PLCH1: variants seen among roughly 807,000 people sequenced by gnomAD.
PLCH1 encodes the protein phospholipase C eta 1.
In PLCH1, 60 loss-of-function variants were observed where a neutral mutation model predicts 126.7. The ratio of observed to expected loss-of-function variants is 0.47; its 90% confidence interval spans 0.38 to 0.59. The LOEUF is 0.59. Ranked by LOEUF, PLCH1 falls within the 20% of genes least tolerant of loss-of-function variation. The probability of loss-of-function intolerance (pLI) is 0.00; values close to 1 mark genes in which losing one functional copy is unlikely to be tolerated. For synonymous variants in PLCH1, 719 were observed against 734.9 expected (o/e 0.98, Z 0.35); for missense variants, 1,723 against 2,040.0 (o/e 0.84, Z 2.99).
chr3:155,506,479 T>C (rs1384509684), intron 12 of PLCH1, among the ~76,000 whole-genome samples: 2 of 150,484 alleles, frequency 1.3e-5, no homozygotes, highest in Non-Finnish European at 3.0e-5. Flanking sequence ...ATTAAGTATA[T>C]CTCCCAATGT....
At chr3:155,617,197 G>A (rs553282877) in intron 2 of PLCH1, among the ~76,000 whole-genome samples, 1 of 151,902 alleles carries the variant, frequency 6.6e-6, no homozygotes, top group Non-Finnish European at 1.5e-5. Context: ...TAAGACTTTT[G>A]TCATCCACAG....
intron 2 of PLCH1, among the ~76,000 whole-genome samples, chr3:155,602,623 C>T (rs1261337818): frequency 1.3e-5 from 2 of 152,118 alleles, no homozygotes; most frequent in Non-Finnish European, 2.9e-5. Context: ...GGCTACAAAC[C>T]TGTACAACAT....
At chr3:155,510,861 T>C (rs1719358591) in intron 12 of PLCH1, among the ~76,000 whole-genome samples, 1 of 94,194 alleles carries the variant, frequency 1.1e-5, no homozygotes, top group East Asian at 2.8e-4. Context: ...GAGGAGTATC[T>C]TTGTGGCGTT....
intron 21 of PLCH1, among the ~76,000 whole-genome samples, chr3:155,463,254 C>T (rs1252066764): frequency 6.6e-6 from 1 of 152,142 alleles, no homozygotes; most frequent in Admixed American, 6.5e-5. Flanking sequence ...TATACAGCAA[C>T]AAAACTTTCT....
chr3:155,627,222 A>G (rs917732612), intron 2 of PLCH1, among the ~76,000 whole-genome samples: 1 of 152,226 alleles, frequency 6.6e-6, no homozygotes, highest in Non-Finnish European at 1.5e-5. Context: ...CCTTGCAAGC[A>G]TAATACCAAG....
Position 155,513,194 on chromosome 3 carries a change from G to C in PLCH1, c.1632+1529C>G, listed in dbSNP as rs189501694. 9.9e-5 allele frequency among the ~76,000 whole-genome samples: 15 copies of C among 152,264 alleles called. No individual in the cohort carries two copies. In the East Asian group the frequency reaches 2.3e-3, roughly 24 times the overall value. On this transcript the variant is annotated intron_variant, in intron 12 of 22. Transcript: ENST00000460012. ...ATATGTATCTGGCACAGAGGGCCTC[G>C]TCTCAACAGTAACTTGCCTTTGCTT...
chr3:155,488,707 C>T lies in PLCH1; in HGVS notation c.2492G>A (p.Arg831Gln), dbSNP rs770441425. The T allele has an allele frequency of 1.4e-5, 23 of 1,613,884 alleles. No individual in the cohort carries two copies. The highest frequency in any genetic ancestry group is 4.4e-5 in the South Asian group (4 of 91,064). ...CACAGTTCTTTGTCCAACAAAGTCTCGTCCAATGGGATCGTGATCCCACAC... is the reference window on the plus strand; with the variant it reads ...CACAGTTCTTTGTCCAACAAAGTCTTGTCCAATGGGATCGTGATCCCACAC... Reference protein sequence around the residue: ...FLVWDHDPIGRDFVGQRTVTF... With the variant: ...FLVWDHDPIGQDFVGQRTVTF... Residue 831 changes from arginine (R) to glutamine (Q), a missense_variant, in exon 20 of 23, where the codon CGA becomes CAA. Transcript: ENST00000460012.
chr3:155,566,080 T>C (rs371596043), intron 7 of PLCH1, among the ~76,000 whole-genome samples: 4 of 133,252 alleles, frequency 3.0e-5, no homozygotes, highest in South Asian at 2.3e-4. Flanking sequence ...CTTTTAGGAA[T>C]AGCCTTTTAA....
intron 10 of PLCH1, among the ~76,000 whole-genome samples, chr3:155,525,031 A>G (rs968369374): frequency 6.6e-6 from 1 of 152,018 alleles, no homozygotes; most frequent in Non-Finnish European, 1.5e-5. Context: ...AAAAAACAAG[A>G]TGACTTGGCT....
intron 4 of PLCH1, among the ~76,000 whole-genome samples, chr3:155,587,620 G>A (rs760610908): frequency 1.3e-5 from 2 of 152,202 alleles, no homozygotes; most frequent in Admixed American, 6.5e-5. Flanking sequence ...TGTGCTAGGA[G>A]GTGCCCTCAA....
chr3:155,593,886 A>T, intron 4 of PLCH1, 55 bp downstream of exon 4: 1 of 1,546,764 alleles, frequency 6.5e-7, no homozygotes, highest in Non-Finnish European at 8.8e-7. Flanking sequence ...ACAAATGCAC[A>T]CACGCATACA....
At chr3:155,570,088 T>C (rs776992260) in intron 6 of PLCH1, among the ~76,000 whole-genome samples, 2 of 152,132 alleles carry the variant, frequency 1.3e-5, no homozygotes, top group Non-Finnish European at 2.9e-5. Flanking sequence ...AATTGAGGTA[T>C]TAAGGATTGA....
chr3:155,578,205 G>A (rs2108571721), intron 6 of PLCH1, among the ~76,000 whole-genome samples: 1 of 152,298 alleles, frequency 6.6e-6, no homozygotes, highest in African/African-American at 2.4e-5. Flanking sequence ...GGAAAATATA[G>A]ACATTTCTAT....
At chr3:155,544,444 T>C (rs1036992492) in intron 10 of PLCH1, among the ~76,000 whole-genome samples, 5 of 152,180 alleles carry the variant, frequency 3.3e-5, no homozygotes, top group Non-Finnish European at 7.3e-5. Flanking sequence ...ATTGGGAGAC[T>C]TTAACACCCC....
intron 8 of PLCH1, among the ~76,000 whole-genome samples, chr3:155,560,740 C>G (rs1357072113): frequency 1.3e-5 from 2 of 152,136 alleles, no homozygotes; most frequent in Non-Finnish European, 2.9e-5. Flanking sequence ...TCCACCATGC[C>G]TAGGAAAACC....
At chr3:155,637,665 G>A (rs1738898182) in intron 2 of PLCH1, among the ~76,000 whole-genome samples, 1 of 152,060 alleles carries the variant, frequency 6.6e-6, no homozygotes, top group Non-Finnish European at 1.5e-5. Flanking sequence ...TCTCTACAGA[G>A]GACAGGACAA....
chr3:155,679,810 T>C (rs557169496), intron 2 of PLCH1, among the ~76,000 whole-genome samples: 7 of 152,262 alleles, frequency 4.6e-5, no homozygotes, highest in African/African-American at 1.7e-4. Flanking sequence ...TATATTAGTA[T>C]CCACATTTTA....
At chr3:155,486,771 G>A (rs1560054615) in intron 21 of PLCH1, among the ~76,000 whole-genome samples, 2 of 151,838 alleles carry the variant, frequency 1.3e-5, no homozygotes, top group African/African-American at 4.8e-5. Flanking sequence ...TGATCCACCC[G>A]CCTCGGCCTC....
chr3:155,644,338 C>CCAGAGGCCGAGTGGG (rs1739754817), intron 2 of PLCH1, among the ~76,000 whole-genome samples: 1 of 152,200 alleles, frequency 6.6e-6, no homozygotes. Context: ...TGTGGTGATT[C>CCAGAGGCCGAGTGGG]ATGCCTGTAA....
Sources: allele counts gnomAD v4.1 joint callset (sites outside exome capture counted in the v4.1 genomes callset), GRCh38; gene constraint gnomAD v4.1.1; transcripts MANE v1.5; gene names NCBI Gene and HGNC (gene_info 2026-07-23, HGNC 2026-07-21).